PLEKHA5: variants seen among roughly 807,000 people sequenced by gnomAD.
PLEKHA5 encodes pleckstrin homology domain-containing family A member 5.
A neutral mutation model predicts 181.9 loss-of-function variants in PLEKHA5; 55 were observed. The ratio of observed to expected loss-of-function variants is 0.30; its 90% CI spans 0.24 to 0.38. The LOEUF (loss-of-function observed/expected upper bound fraction) is 0.38. Ranked by LOEUF, PLEKHA5 falls within the 10% of genes least tolerant of loss-of-function variation. The pLI, the probability that PLEKHA5 is intolerant of heterozygous loss-of-function variation, is 1.00. For missense variants in PLEKHA5, 1,432 were observed against 1,549.5 expected (o/e 0.92, Z 1.27); for synonymous variants, 535 against 529.4 (o/e 1.01, Z -0.15).
In PLEKHA5 at chr12:19,292,865, G is replaced by C. The variant is rs201784619; in HGVS notation, c.2037+1168G>C. Among the ~76,000 whole-genome samples, 41 of 152,236 alleles carry C rather than the reference G, an allele frequency of 2.7e-4. No individual in the cohort carries two copies. In the East Asian group the frequency reaches 3.3e-3, roughly 12 times the overall value. On this transcript the variant is annotated intron_variant, in intron 15 of 31. Coordinates refer to ENST00000429027, the MANE Select transcript of PLEKHA5 (RefSeq NM_001256470.2). ...GAGGCAGGAGAATCACTTGAGCCCT[G>C]GAGGCAGAGGTTGCAGTGAACCAAG...
chr12:19,263,875 A>G (rs982502297), intron 7 of PLEKHA5, among the ~76,000 whole-genome samples: 3 of 152,202 alleles, frequency 2.0e-5, no homozygotes, highest in African/African-American at 7.2e-5. Flanking sequence ...GGCTGACCCC[A>G]TAGAGAGTTC....
intron 25 of PLEKHA5, among the ~76,000 whole-genome samples, chr12:19,349,178 G>A (rs1253563509): frequency 1.3e-5 from 2 of 151,342 alleles, no homozygotes; most frequent in African/African-American, 4.9e-5. Flanking sequence ...CTGTACTGGA[G>A]CAAACATGGC....
At chr12:19,347,255 C>T (rs975146828) in intron 24 of PLEKHA5, 73 bp downstream of exon 24, 3 of 894,018 alleles carry the variant, frequency 3.4e-6, no homozygotes, top group South Asian at 2.4e-5. Context: ...ATTTATTTTA[C>T]ACTCAAACTT....
chr12:19,281,800 G>C, intron 11 of PLEKHA5, among the ~76,000 whole-genome samples: 1 of 135,912 alleles, frequency 7.4e-6, no homozygotes, highest in South Asian at 2.5e-4. Context: ...TTGTTGTTTT[G>C]AGATGGAGTC....
Position 19,132,455 on chromosome 12 carries a change from G to GT in PLEKHA5, c.227+11dup. The stretch of plus-strand genomic sequence containing the variant: ...AGGTGCAAGATACTATATAAAGTGA[G>GT]TTTTTTGACTTTCATTTTTTTCCTT... On this transcript the variant is annotated splice_donor_region_variant and intron_variant, in intron 3 of 31. Coordinates refer to ENST00000429027, the MANE Select transcript of PLEKHA5 (RefSeq NM_001256470.2). 6.6e-7 allele frequency: 1 copy of GT among 1,503,842 alleles called. No homozygotes were observed. Among genetic ancestry groups the GT allele is most frequent in the Non-Finnish European group, 9.1e-7 (1 of 1,093,618 alleles). The allele number at this position is 1,503,842 out of a possible 1,614,324, so 93.2% of individuals were successfully genotyped here.
chr12:19,132,400 T>C lies in PLEKHA5; in HGVS notation c.177T>C (p.Pro59=). 6.6e-7 allele frequency: 1 copy of C among 1,516,444 alleles called. No homozygotes were observed. The highest frequency in any genetic ancestry group is 2.3e-5 in the East Asian group (1 of 43,744). 93.9% of individuals were successfully genotyped at this position (1,516,444 alleles called of 1,614,324 possible). Residue 59 remains proline, a synonymous_variant, in exon 3 of 32, where the codon CCT becomes CCC. Coordinates refer to ENST00000429027, the MANE Select transcript of PLEKHA5 (RefSeq NM_001256470.2). ...TGHRRQSTDL[P]TGWEEAYTFE... is the part of the protein sequence containing the mutation. The stretch of plus-strand genomic sequence containing the variant: ...ATATATGTATTGTTTTAGATTTGCC[T>C]ACTGGCTGGGAAGAAGCATATACTT...
At chr12:19,259,430 T>A (rs181398767) in intron 6 of PLEKHA5, among the ~76,000 whole-genome samples, 1 of 152,002 alleles carries the variant, frequency 6.6e-6, no homozygotes, top group Admixed American at 6.6e-5. Context: ...GTGTCCCTTA[T>A]CTGTACTAAA....
rs969773892 is a variant in PLEKHA5 at position 19,248,774 on chromosome 12, GAAAC to G, written c.228-5154_228-5151del. Among the ~76,000 whole-genome samples the G allele has an allele frequency of 1.1e-4, 16 of 152,214 alleles. 1 individual carries two copies. The Middle Eastern group carries it at 0.014, about 129-fold the overall frequency. On this transcript the variant is annotated intron_variant, in intron 3 of 31. Coordinates refer to ENST00000429027, the MANE Select transcript of PLEKHA5 (RefSeq NM_001256470.2). ...CACCATAGTTGGGGTTGAGTATGAT[GAAAC>G]AAACAAACAAAATGTATTACCATAG...
chr12:19,144,899 T>A (rs1363085662), intron 3 of PLEKHA5, among the ~76,000 whole-genome samples: 1 of 152,184 alleles, frequency 6.6e-6, no homozygotes. Context: ...TTTGAATACC[T>A]GAGTAAATTT....
intron 15 of PLEKHA5, among the ~76,000 whole-genome samples, chr12:19,298,658 C>T (rs1565583754): frequency 6.6e-6 from 1 of 151,848 alleles, no homozygotes; most frequent in African/African-American, 2.4e-5. Context: ...TGTAAGCCAC[C>T]GCGCCTGGCC....
intron 15 of PLEKHA5, among the ~76,000 whole-genome samples, chr12:19,305,581 G>A (rs1247489774): frequency 6.8e-6 from 1 of 147,032 alleles, no homozygotes; most frequent in Admixed American, 6.9e-5. Context: ...AAAAGACCCA[G>A]CACGGATGGC....
intron 20 of PLEKHA5, 55 bp from the exon 21 acceptor site, chr12:19,336,460 A>C (rs2093432852): frequency 3.4e-6 from 3 of 890,082 alleles, no homozygotes; most frequent in Non-Finnish European, 5.5e-6. Context: ...TTGGAGTGAT[A>C]ACACCATAAA....
intron 3 of PLEKHA5, among the ~76,000 whole-genome samples, chr12:19,158,213 C>T (rs575016988): frequency 2.2e-4 from 33 of 151,940 alleles, no homozygotes; most frequent in African/African-American, 8.0e-4. Flanking sequence ...ATTAGCCGGG[C>T]GTGGTGGCGG....
In PLEKHA5 at chr12:19,130,021, C is replaced by T. The variant is rs763040747; in HGVS notation, c.90-30C>T. The T allele has an allele frequency of 6.2e-5, 96 of 1,545,822 alleles. No individual in the cohort carries two copies. Among genetic ancestry groups the T allele is most frequent in the Middle Eastern group, 1.7e-4 (1 of 5,946 alleles). On this transcript the variant is annotated intron_variant, in intron 1 of 31. Coordinates refer to ENST00000429027, the MANE Select transcript of PLEKHA5 (RefSeq NM_001256470.2). The surrounding 1 kb of genome is among the most constrained non-coding windows in gnomAD (Gnocchi z 4.5). Reference sequence around the variant, plus strand: ...TCGCCCCCGCGTCCCCTCTCACGCTCCGTGTCTGCCCCTTCTCTCACCCCT... The same window carrying T: ...TCGCCCCCGCGTCCCCTCTCACGCTTCGTGTCTGCCCCTTCTCTCACCCCT...
chr12:19,247,756 A>T (rs191879386), intron 3 of PLEKHA5, among the ~76,000 whole-genome samples: 3,124 of 141,640 alleles, frequency 0.022, 56 homozygotes, highest in South Asian at 0.063. Flanking sequence ...TTCTTTTTTT[A>T]AAAAAAAAAA....
rs2047797535 is a variant in PLEKHA5, at chr12:19,178,401, G to A, written c.227+45951G>A. Among the ~76,000 whole-genome samples the A allele has an allele frequency of 5.2e-5, 4 of 77,398 alleles. No individual in the cohort carries two copies. In the South Asian group the frequency reaches 1.9e-3, roughly 37 times the overall value. The allele number at this position is 77,398 out of a possible 152,430, so 50.8% of individuals were successfully genotyped here. ...TCAGGGATTATGCCAGCATAATTTT[G>A]TAGAAAATAAAAGAAGTCACAAGTT... On this transcript the variant is annotated intron_variant, in intron 3 of 31. Coordinates refer to ENST00000429027, the MANE Select transcript of PLEKHA5 (RefSeq NM_001256470.2).
At chr12:19,259,750 GA>G (rs1187955818) in intron 6 of PLEKHA5, among the ~76,000 whole-genome samples, 76 of 138,320 alleles carry the variant, frequency 5.5e-4, no homozygotes, top group African/African-American at 1.0e-3. Flanking sequence ...GACTGTCTCG[GA>G]AAAAAAAAAA....
At chr12:19,221,111 T>C (rs1054590732) in intron 3 of PLEKHA5, among the ~76,000 whole-genome samples, 1 of 152,140 alleles carries the variant, frequency 6.6e-6, no homozygotes, top group African/African-American at 2.4e-5. Flanking sequence ...TTAAACATAG[T>C]CTTACCATAT....
At chr12:19,304,306 G>A (rs1251429917) in intron 15 of PLEKHA5, among the ~76,000 whole-genome samples, 1 of 152,190 alleles carries the variant, frequency 6.6e-6, no homozygotes, top group African/African-American at 2.4e-5. Flanking sequence ...TCACGAGGCT[G>A]AGGCAAGAGA....
Sources: allele counts gnomAD v4.1 joint callset (sites outside exome capture counted in the v4.1 genomes callset), GRCh38; gene constraint gnomAD v4.1.1; non-coding constraint Gnocchi (gnomAD v3.1); transcripts MANE v1.5; gene names NCBI Gene and HGNC (gene_info 2026-07-23, HGNC 2026-07-21).